SCHIP1: variants seen among roughly 807,000 people sequenced by gnomAD.
SCHIP1 encodes the protein schwannomin interacting protein 1.
SCHIP1 carries 8 observed loss-of-function variants against 29.7 expected under a neutral mutation model. That is an observed-to-expected ratio of 0.27 (90% CI 0.16 to 0.49). SCHIP1 has a LOEUF of 0.49. SCHIP1 is among the 20% of genes least tolerant of loss of function. SCHIP1 has a pLI of 0.99. For synonymous variants in SCHIP1, 76 were observed against 94.9 expected (o/e 0.80, Z 1.16); for missense variants, 193 against 294.6 (o/e 0.66, Z 2.52).
chr3:159,284,463 A>G, the SCHIP1 span, among the ~76,000 whole-genome samples: 15 of 152,162 alleles, frequency 9.9e-5, no homozygotes, highest in East Asian at 2.9e-3. Flanking sequence ...TTAATGTAAT[A>G]TTTAGTTTGC....
chr3:159,586,177 A>G, the SCHIP1 span, among the ~76,000 whole-genome samples: 27 of 152,302 alleles, frequency 1.8e-4, no homozygotes, highest in African/African-American at 5.8e-4. Flanking sequence ...ACTGAATGAT[A>G]AGGACATTCG....
the SCHIP1 span, among the ~76,000 whole-genome samples, chr3:159,705,111 G>A: frequency 5.3e-5 from 8 of 149,944 alleles, no homozygotes; most frequent in Non-Finnish European, 1.0e-4. Context: ...TTACAGGCAT[G>A]TGCCACCACG....
chr3:159,333,853 A>G, the SCHIP1 span, among the ~76,000 whole-genome samples: 1 of 152,162 alleles, frequency 6.6e-6, no homozygotes, highest in Admixed American at 6.5e-5. Flanking sequence ...TCAAATACAC[A>G]TTGGAATTTA....
chr3:159,850,672 A>G (rs1712494470), intron 1 of SCHIP1, among the ~76,000 whole-genome samples: 3 of 152,132 alleles, frequency 2.0e-5, no homozygotes, highest in Non-Finnish European at 2.9e-5. Context: ...GGAAACTTAC[A>G]ATTACGACAG....
the SCHIP1 span, among the ~76,000 whole-genome samples, chr3:159,314,635 A>G: frequency 6.6e-6 from 1 of 152,208 alleles, no homozygotes; most frequent in Non-Finnish European, 1.5e-5. Flanking sequence ...CCAATATGAA[A>G]CTGAGGCCAA....
the SCHIP1 span, among the ~76,000 whole-genome samples, chr3:159,496,365 G>A: frequency 4.0e-3 from 605 of 152,048 alleles, 8 homozygotes; most frequent in African/African-American, 0.012. Flanking sequence ...TCTGACAAAG[G>A]GCTAACATCC....
At chr3:159,738,199 C>A in the SCHIP1 span, among the ~76,000 whole-genome samples, 1 of 149,856 alleles carries the variant, frequency 6.7e-6, no homozygotes. Context: ...CTGGAAAAGT[C>A]AATCTTTTAG....
the SCHIP1 span, among the ~76,000 whole-genome samples, chr3:159,512,211 GA>G: frequency 6.6e-6 from 1 of 152,104 alleles, no homozygotes; most frequent in South Asian, 2.1e-4. Context: ...GAAATGACAA[GA>G]ATAGAAATTC....
chr3:159,709,164 A>C, the SCHIP1 span, among the ~76,000 whole-genome samples: 1 of 152,230 alleles, frequency 6.6e-6, no homozygotes, highest in Admixed American at 6.5e-5. Flanking sequence ...AAACTTAAAA[A>C]GTATACAAAT....
At chr3:159,609,340 A>G in the SCHIP1 span, among the ~76,000 whole-genome samples, 1 of 152,194 alleles carries the variant, frequency 6.6e-6, no homozygotes, top group African/African-American at 2.4e-5. Context: ...TTCATAGGCC[A>G]TGAGGTACGT....
chr3:159,553,450 C>T, the SCHIP1 span, among the ~76,000 whole-genome samples: 1 of 152,064 alleles, frequency 6.6e-6, no homozygotes, highest in African/African-American at 2.4e-5. Flanking sequence ...AATGTATGGC[C>T]TTTATTGATA....
the SCHIP1 span, among the ~76,000 whole-genome samples, chr3:159,428,329 G>A: frequency 1.3e-5 from 2 of 151,232 alleles, no homozygotes; most frequent in Non-Finnish European, 3.0e-5. Context: ...AATCTACAAT[G>A]AACTCAAACA....
the SCHIP1 span, among the ~76,000 whole-genome samples, chr3:159,601,369 A>G: frequency 6.6e-6 from 1 of 152,114 alleles, no homozygotes; most frequent in Non-Finnish European, 1.5e-5. Context: ...GCAGCAACAC[A>G]GCACCACACA....
At chr3:159,391,358 A>G in the SCHIP1 span, among the ~76,000 whole-genome samples, 2 of 152,294 alleles carry the variant, frequency 1.3e-5, no homozygotes, top group African/African-American at 4.8e-5. Context: ...GACTTAACAT[A>G]TAATACTAAA....
chr3:159,343,691 AGAGAAAGAAGG>A, the SCHIP1 span, among the ~76,000 whole-genome samples: 1 of 152,238 alleles, frequency 6.6e-6, no homozygotes, highest in African/African-American at 2.4e-5. Flanking sequence ...GTCATCTGGA[AGAGAAAGAAGG>A]GAGAATGAAG....
chr3:159,440,273 C>G, the SCHIP1 span, among the ~76,000 whole-genome samples: 1 of 152,144 alleles, frequency 6.6e-6, no homozygotes, highest in Non-Finnish European at 1.5e-5. Context: ...GTCTATGCAT[C>G]TGTTCTTGTA....
chr3:159,566,098 CA>C, the SCHIP1 span, among the ~76,000 whole-genome samples: 1 of 152,116 alleles, frequency 6.6e-6, no homozygotes, highest in Non-Finnish European at 1.5e-5. Flanking sequence ...TCCATTCTAA[CA>C]TTTTTTTAAC....
At chr3:159,409,744 A>G in the SCHIP1 span, among the ~76,000 whole-genome samples, 26 of 152,182 alleles carry the variant, frequency 1.7e-4, no homozygotes, top group Non-Finnish European at 3.1e-4. Context: ...CACCTCTATC[A>G]AAATACCAAT....
At chr3:159,530,498 ACTT>A in the SCHIP1 span, among the ~76,000 whole-genome samples, 5 of 151,206 alleles carry the variant, frequency 3.3e-5, no homozygotes, top group Admixed American at 1.3e-4. Context: ...CCTTTTCCTT[ACTT>A]CTATAATTTC....
Sources: gnomAD v4.1 joint callset for allele counts (sites outside exome capture counted in the v4.1 genomes callset) on GRCh38, gnomAD v4.1.1 for gene constraint, MANE v1.5 for transcripts, NCBI Gene and HGNC (gene_info 2026-07-23, HGNC 2026-07-21) for gene names.